IL7: variants seen among roughly 807,000 people sequenced by gnomAD.
The protein encoded by IL7 is interleukin-7.
A neutral mutation model predicts 21.6 loss-of-function variants in IL7; 3 were observed. That is an observed-to-expected ratio of 0.14 (90% CI 0.06 to 0.36). The LOEUF (loss-of-function observed/expected upper bound fraction) is 0.36. IL7 is among the 10% of genes least tolerant of loss of function. The probability of loss-of-function intolerance (pLI) is 1.00; values close to 1 mark genes in which losing one functional copy is unlikely to be tolerated. For synonymous variants in IL7, 62 were observed against 68.1 expected (o/e 0.91, Z 0.44); for missense variants, 175 against 200.2 (o/e 0.87, Z 0.76).
Position 78,733,683 on chromosome 8 carries a change from T to C in IL7, c.*30A>G. 6.3e-7 allele frequency: 1 copy of C among 1,589,566 alleles called. No homozygotes were observed. The highest frequency in any genetic ancestry group is 8.5e-7 in the Non-Finnish European group (1 of 1,170,574). On this transcript the variant is annotated 3_prime_UTR_variant, in exon 6 of 6. Transcript: ENST00000263851. ...GATTCTTGGAGGATGCAGCTAAAGT[T>C]CGTGTTTCTATATTGCCACTCCATA... is the stretch of plus-strand genomic sequence containing the variant.
chr8:78,676,138 AC>A lies in IL7; in HGVS notation n.274-35del, dbSNP rs201164059. 3.7e-3 allele frequency: 914 copies of A among 249,796 alleles called. 8 individuals are homozygous for A. Among genetic ancestry groups the A allele is most frequent in the South Asian group, 6.3e-3 (38 of 6,018 alleles). The allele number at this position is 249,796 out of a possible 1,614,324, so 15.5% of individuals were successfully genotyped here. ...AAACAAACAAAATAAAAAAAAAAAA[AC>A]AAAATCAGATACCTTAGAAATAAGT... On this transcript the variant is annotated intron_variant and non_coding_transcript_variant, in intron 4 of 4. Transcript: ENST00000523959.
intron 1 of IL7, among the ~76,000 whole-genome samples, chr8:78,804,352 T>A (rs879799702): frequency 6.6e-6 from 1 of 152,110 alleles, no homozygotes; most frequent in Non-Finnish European, 1.5e-5. Flanking sequence ...TTCCCAGCAA[T>A]AGGCGCAAGG....
At chr8:78,768,729 C>T (rs1812845056) in intron 2 of IL7, among the ~76,000 whole-genome samples, 1 of 151,876 alleles carries the variant, frequency 6.6e-6, no homozygotes, top group African/African-American at 2.4e-5. Context: ...GTTGCCTGTT[C>T]ACTCTGATGG....
chr8:78,727,658 C>T (rs934090721), intron 3 of IL7, among the ~76,000 whole-genome samples: 7 of 151,948 alleles, frequency 4.6e-5, no homozygotes, highest in Admixed American at 4.6e-4. Flanking sequence ...TCCAAACCTT[C>T]TGATAAGGAG....
chr8:78,686,739 G>T, intron 3 of IL7: 1 of 977,104 alleles, frequency 1.0e-6, no homozygotes, highest in African/African-American at 1.7e-5. Context: ...AAAATTTGGT[G>T]TAAAATGGTG....
At chr8:78,713,555 C>G (rs1811011608), downstream of IL7, among the ~76,000 whole-genome samples, 2 of 151,908 alleles carry the variant, frequency 1.3e-5, no homozygotes, top group African/African-American at 2.4e-5. Context: ...TCTAGTAGTT[C>G]TACAACATCC....
At chr8:78,687,956 CTATATT>C (rs1199048811) in intron 3 of IL7, among the ~76,000 whole-genome samples, 1 of 140,786 alleles carries the variant, frequency 7.1e-6, no homozygotes, top group African/African-American at 2.6e-5. Context: ...TAAACTATAT[CTATATT>C]TATATATAAA....
intron 3 of IL7, among the ~76,000 whole-genome samples, chr8:78,721,863 T>C (rs1811244977): frequency 6.6e-6 from 1 of 152,020 alleles, no homozygotes; most frequent in African/African-American, 2.4e-5. Context: ...TAGGAAAATA[T>C]TTATGCAAAA....
intron 2 of IL7, among the ~76,000 whole-genome samples, chr8:78,792,271 G>T (rs138336069): frequency 1.6e-3 from 241 of 152,132 alleles, no homozygotes; most frequent in African/African-American, 5.4e-3. Flanking sequence ...CTCACACCAC[G>T]TACATAAATT....
At chr8:78,742,826 C>A (rs1811838964) in intron 2 of IL7, among the ~76,000 whole-genome samples, 2 of 152,004 alleles carry the variant, frequency 1.3e-5, no homozygotes, top group Admixed American at 6.6e-5. Context: ...TATTTCATCA[C>A]CCAGGTATTA....
chr8:78,691,497 T>TAA (rs2130512848), intron 3 of IL7, among the ~76,000 whole-genome samples: 1 of 152,214 alleles, frequency 6.6e-6, no homozygotes, highest in East Asian at 1.9e-4. Flanking sequence ...TATAATTGGT[T>TAA]TTTGTATTTC....
At chr8:78,760,197 T>C (rs1184721520) in intron 2 of IL7, 2 of 1,562,886 alleles carry the variant, frequency 1.3e-6, no homozygotes, top group Non-Finnish European at 8.6e-7. Flanking sequence ...CTTACTTGTA[T>C]AGAGTTTAAT....
At chr8:78,686,657 G>C in intron 3 of IL7, 1 of 1,404,326 alleles carries the variant, frequency 7.1e-7, no homozygotes, top group East Asian at 2.6e-5. Context: ...AGAAAATAAT[G>C]ATAGAGTTTT....
intron 1 of IL7, among the ~76,000 whole-genome samples, chr8:78,801,384 G>C (rs889419783): frequency 2.6e-5 from 4 of 152,118 alleles, no homozygotes; most frequent in Non-Finnish European, 5.9e-5. Flanking sequence ...TGTCTTATCT[G>C]GTTTGGGTAA....
chr8:78,805,084 T>A lies in IL7; in HGVS notation c.-162A>T. On this transcript the variant is annotated 5_prime_UTR_variant, in exon 1 of 6. Transcript: ENST00000263851. ...TGGTTCCTCTTACCCACGCCGCGACTGCAGTTTCATCCATCCCAAGGGGGG... is the reference window on the plus strand; with the variant it reads ...TGGTTCCTCTTACCCACGCCGCGACAGCAGTTTCATCCATCCCAAGGGGGG... 1 of 671,646 alleles carries A rather than the reference T, an allele frequency of 1.5e-6. No individual in the cohort carries two copies. The highest frequency in any genetic ancestry group is 2.5e-6 in the Non-Finnish European group (1 of 399,314). 41.6% of individuals were successfully genotyped at this position (671,646 alleles called of 1,614,324 possible).
chr8:78,736,842 A>T (rs941016886), intron 4 of IL7, among the ~76,000 whole-genome samples: 10 of 152,226 alleles, frequency 6.6e-5, no homozygotes, highest in African/African-American at 2.4e-4. Flanking sequence ...TAAAACTTGA[A>T]TTTTAATCAA....
chr8:78,697,488 G>A lies in IL7; in HGVS notation n.215-11541C>T, dbSNP rs201671046. ...TTCACGATTACCGCAGCCAAGTGGC[G>A]CTGGCAAAACTGTTGTAGGTAATGA... is the stretch of plus-strand genomic sequence containing the variant. On this transcript the variant is annotated intron_variant and non_coding_transcript_variant, in intron 3 of 4. Coordinates refer to the IL7 transcript ENST00000523959. 1.7e-4 allele frequency: 278 copies of A among 1,607,626 alleles called. No homozygotes were observed. The highest frequency in any genetic ancestry group is 2.3e-4 in the Non-Finnish European group (266 of 1,178,470).
rs376631797 is a variant in IL7 at position 78,770,204 on chromosome 8, G to A, written c.147+27868C>T. ...CTAATCTTAAGGTCAGGTTTTTATT[G>A]AATAAAGAAGCAGTACCCTTGCTGG... On this transcript the variant is annotated intron_variant, in intron 2 of 5. Transcript: ENST00000263851. Among the ~76,000 whole-genome samples, 36 of 152,168 alleles carry A rather than the reference G, an allele frequency of 2.4e-4. No homozygotes were observed. The East Asian group carries it at 3.7e-3, about 16-fold the overall frequency.
At chr8:78,690,568 A>AG (rs1358596670) in intron 3 of IL7, among the ~76,000 whole-genome samples, 1 of 152,088 alleles carries the variant, frequency 6.6e-6, no homozygotes, top group East Asian at 1.9e-4. Context: ...TCAAAAAAAA[A>AG]AAAAAAACTT....
Sources: allele counts gnomAD v4.1 joint callset (sites outside exome capture counted in the v4.1 genomes callset), GRCh38; gene constraint gnomAD v4.1.1; transcripts MANE v1.5; gene names NCBI Gene and HGNC (gene_info 2026-07-23, HGNC 2026-07-21).